The following IMPDH1 variants were observed in gnomAD, a reference collection of about 807,000 sequenced individuals.
The protein encoded by IMPDH1 is inosine-5'-monophosphate dehydrogenase 1.
IMPDH1 carries 41 observed loss-of-function variants against 73.5 expected under a neutral mutation model. That is an observed-to-expected ratio of 0.56 (90% CI 0.43 to 0.72). The LOEUF is 0.72. Ranked by LOEUF, IMPDH1 falls within the 30% of genes least tolerant of loss-of-function variation. The pLI, the probability that IMPDH1 is intolerant of heterozygous loss-of-function variation, is 0.00. For synonymous variants in IMPDH1, 318 were observed against 334.3 expected (o/e 0.95, Z 0.53); for missense variants, 645 against 824.8 (o/e 0.78, Z 2.67).
intron 10 of IMPDH1, among the ~76,000 whole-genome samples, chr7:128,397,525 A>C (rs1798010781): frequency 6.6e-6 from 1 of 152,168 alleles, no homozygotes; most frequent in African/African-American, 2.4e-5. Flanking sequence ...AGGCCCTCAG[A>C]GGCCTTTGTT....
At chr7:128,400,732 T>A in intron 7 of IMPDH1, 85 bp downstream of exon 7, 1 of 1,284,204 alleles carries the variant, frequency 7.8e-7, no homozygotes, top group Non-Finnish European at 1.1e-6. Context: ...AGTGTAGCAG[T>A]GCAGGGCTGG....
Position 128,405,798 on chromosome 7 carries a change from G to C in IMPDH1, c.322C>G (p.Leu108Val). 1 of 1,542,954 alleles carries C rather than the reference G, an allele frequency of 6.5e-7. No homozygotes were observed. Among genetic ancestry groups the C allele is most frequent in the Admixed American group, 2.0e-5 (1 of 50,888 alleles). ...VPEDGLTAQQLFASADGLTYN... is the reference protein window; with the variant it reads ...VPEDGLTAQQVFASADGLTYN... The stretch of plus-strand genomic sequence containing the variant: ...GTGAGGCCGTCGGCGCTGGCGAAGA[G>C]CTGCTGCGCGGTGAGCCCATCCTCG... The change falls in exon 4 of 17, where the codon CTC becomes GTC. Residue 108 changes from leucine to valine, a missense_variant. By Grantham distance (32) the Leu-to-Val change is conservative. This residue lies in a region of IMPDH1 where 186 missense variants were observed against 186.6 expected (regional missense o/e 1.00). Coordinates refer to ENST00000338791, the MANE Select transcript of IMPDH1 (RefSeq NM_000883.4).
In IMPDH1 at chr7:128,396,798, A is replaced by G. The variant is rs373036596; in HGVS notation, c.1166-103T>C. 2.5e-6 allele frequency: 3 copies of G among 1,183,978 alleles called. No homozygotes were observed. The highest frequency in any genetic ancestry group is 3.0e-5 in the African/African-American group (2 of 65,920). The allele number at this position is 1,183,978 out of a possible 1,614,324, so 73.3% of individuals were successfully genotyped here. ...GTCTAGCACCCCCCAACCCCCCTAC[A>G]GTGACCAAAGCCCATCATGCTCCCT... On this transcript the variant is annotated intron_variant, in intron 11 of 16. Coordinates refer to ENST00000338791, the MANE Select transcript of IMPDH1 (RefSeq NM_000883.4). This position sits in a 1 kb window ranked among gnomAD's most constrained non-coding sequence, Gnocchi z 4.0.
Position 128,400,752 on chromosome 7 carries a change from C to G in IMPDH1, c.579+65G>C, listed in dbSNP as rs377140577. ...AGCAGTGCAGGGCTGGCAGGGGAGGCTGGGAGGGCCTCTGAGGTGGGGACT... is the reference window on the plus strand; with the variant it reads ...AGCAGTGCAGGGCTGGCAGGGGAGGGTGGGAGGGCCTCTGAGGTGGGGACT... On this transcript the variant is annotated intron_variant, in intron 7 of 16. Coordinates refer to ENST00000338791, the MANE Select transcript of IMPDH1 (RefSeq NM_000883.4). 3.5e-6 allele frequency: 5 copies of G among 1,410,676 alleles called. No homozygotes were observed. In the East Asian group the frequency reaches 6.8e-5, roughly 19 times the overall value. The allele number at this position is 1,410,676 out of a possible 1,614,324, so 87.4% of individuals were successfully genotyped here. A position where few individuals can be genotyped will look rare whatever the true frequency, so the allele number is the denominator to read the frequency against.
At chr7:128,408,960 C>G (rs1798957363) in intron 3 of IMPDH1, among the ~76,000 whole-genome samples, 1 of 152,214 alleles carries the variant, frequency 6.6e-6, no homozygotes, top group African/African-American at 2.4e-5. Flanking sequence ...CTAATTCCCC[C>G]AGACCACCCC....
chr7:128,395,339 G>A (rs931259654), intron 12 of IMPDH1, 65 bp from the exon 13 acceptor site: 2 of 1,580,364 alleles, frequency 1.3e-6, no homozygotes. Flanking sequence ...CTGGAGCGGG[G>A]CCAGCCCAGC....
chr7:128,396,824 G>T lies in IMPDH1; in HGVS notation c.1165+108C>A. 8.8e-7 allele frequency: 1 copy of T among 1,131,698 alleles called. No homozygotes were observed. Among genetic ancestry groups the T allele is most frequent in the Admixed American group, 1.9e-5 (1 of 52,424 alleles). The allele number at this position is 1,131,698 out of a possible 1,614,324, so 70.1% of individuals were successfully genotyped here. On this transcript the variant is annotated intron_variant, in intron 11 of 16. Coordinates refer to ENST00000338791, the MANE Select transcript of IMPDH1 (RefSeq NM_000883.4). The surrounding 1 kb of genome is among the most constrained non-coding windows in gnomAD (Gnocchi z 4.0). ...GTGACCAAAGCCCATCATGCTCCCT[G>T]CCACCCATGCCAGGAGCCATACCAT...
rs940687632 is a variant in IMPDH1 at position 128,403,730 on chromosome 7, G to T, written c.378C>A (p.Phe126Leu). Reference sequence around the variant, plus strand: ...CCACCTCATCAGCTATGAAGTCTATGAATCCTGGGAGAATCAGGAAGTCGC... The same window carrying T: ...CCACCTCATCAGCTATGAAGTCTATTAATCCTGGGAGAATCAGGAAGTCGC... ...TYNDFLILPG[F>L]IDFIADEVDL... Residue 126 changes from phenylalanine to leucine, a missense_variant, in exon 5 of 17, where the codon TTC (phenylalanine) becomes TTA (leucine). This residue lies in a region of IMPDH1 where 186 missense variants were observed against 186.6 expected (regional missense o/e 1.00). Transcript: ENST00000338791. The T allele has an allele frequency of 1.2e-6, 2 of 1,614,068 alleles. No individual in the cohort carries two copies.
intron 3 of IMPDH1, among the ~76,000 whole-genome samples, chr7:128,406,315 C>T (rs1798772471): frequency 1.6e-5 from 2 of 127,936 alleles, no homozygotes; most frequent in Non-Finnish European, 3.4e-5. Flanking sequence ...CCCCCACCCC[C>T]CCCACCCCCG....
At position 128,403,710 on chromosome 7, in the gene IMPDH1, T is replaced by A; in HGVS notation, c.398A>T (p.Glu133Val). The change falls in exon 5 of 17, where the codon GAG (glutamate) becomes GTG (valine). Residue 133 changes from glutamate (E) to valine (V), a missense_variant. This residue lies in a region of IMPDH1 where 186 missense variants were observed against 186.6 expected (regional missense o/e 1.00). Coordinates refer to ENST00000338791, the MANE Select transcript of IMPDH1 (RefSeq NM_000883.4). ...LPGFIDFIAD[E>V]VDLTSALTRK... is the part of the protein sequence containing the mutation. Reference sequence around the variant, plus strand: ...GTCAAAGGAAGAGGTACTCACCACCTCATCAGCTATGAAGTCTATGAATCC... The same window carrying A: ...GTCAAAGGAAGAGGTACTCACCACCACATCAGCTATGAAGTCTATGAATCC... 6.2e-7 allele frequency: 1 copy of A among 1,613,710 alleles called. No individual in the cohort carries two copies. Among genetic ancestry groups the A allele is most frequent in the African/African-American group, 1.3e-5 (1 of 75,020 alleles).
rs1270071033 is a variant in IMPDH1 at position 128,409,875 on chromosome 7, C to T, written c.27G>A (p.Pro9=). 2.0e-6 allele frequency: 3 copies of T among 1,484,220 alleles called. No homozygotes were observed. The highest frequency in any genetic ancestry group is 2.9e-5 in the African/African-American group (2 of 68,366). 91.9% of individuals were successfully genotyped at this position (1,484,220 alleles called of 1,614,324 possible). MEGPLTPP[P]LQGGGAAAVP... ...CAGCGGCGGCTCCGCCTCCCTGCAG[C>T]GGTGGTGGAGTGAGTGGCCCCTCCA... The change falls in exon 1 of 17, where the codon CCG becomes CCA. Residue 9 remains proline, a synonymous_variant. Coordinates refer to ENST00000338791, the MANE Select transcript of IMPDH1 (RefSeq NM_000883.4).
Position 128,406,688 on chromosome 7 carries a change from C to T in IMPDH1, c.255-823G>A, listed in dbSNP as rs72624941. On this transcript the variant is annotated intron_variant, in intron 3 of 16. Transcript: ENST00000338791. Reference sequence around the variant, plus strand: ...CTTGACAGAGGCAAAATCTATAGTTCGGAAAGGAAGGGAGGGGTACTGCTT... The same window carrying T: ...CTTGACAGAGGCAAAATCTATAGTTTGGAAAGGAAGGGAGGGGTACTGCTT... 7.2e-5 allele frequency among the ~76,000 whole-genome samples: 11 copies of T among 152,218 alleles called. No individual in the cohort carries two copies. In the East Asian group the frequency reaches 2.1e-3, roughly 29 times the overall value.
chr7:128,403,441 C>G (rs779500038), intron 5 of IMPDH1, among the ~76,000 whole-genome samples: 33 of 151,970 alleles, frequency 2.2e-4, no homozygotes, highest in Non-Finnish European at 3.8e-4. Context: ...GCCTGTAATC[C>G]CAGTTACTCA....
rs1797923738 is a variant in IMPDH1, at chr7:128,396,523, G to C, written c.1261+77C>G. The C allele has an allele frequency of 1.8e-6, 2 of 1,115,424 alleles. No homozygotes were observed. Among genetic ancestry groups the C allele is most frequent in the Admixed American group, 2.0e-5 (1 of 50,452 alleles). 69.1% of individuals were successfully genotyped at this position (1,115,424 alleles called of 1,614,324 possible). On this transcript the variant is annotated intron_variant, in intron 12 of 16. Coordinates refer to ENST00000338791, the MANE Select transcript of IMPDH1 (RefSeq NM_000883.4). This position sits in a 1 kb window ranked among gnomAD's most constrained non-coding sequence, Gnocchi z 4.0. ...ATGGCAGAACAGGGCCTGGCAGAGAGAGTACTTGATATACATCTGGGGAAC... is the reference window on the plus strand; with the variant it reads ...ATGGCAGAACAGGGCCTGGCAGAGACAGTACTTGATATACATCTGGGGAAC...
intron 9 of IMPDH1, among the ~76,000 whole-genome samples, chr7:128,399,836 T>C (rs1798190619): frequency 6.6e-6 from 1 of 152,236 alleles, no homozygotes; most frequent in African/African-American, 2.4e-5. Context: ...AAAGGAGTTA[T>C]TGCTCAGGAT....
At position 128,398,212 on chromosome 7, in the gene IMPDH1, C is replaced by T. The variant is rs1421484999; in HGVS notation, c.1074+202G>A. On this transcript the variant is annotated intron_variant, in intron 10 of 16. Coordinates refer to ENST00000338791, the MANE Select transcript of IMPDH1 (RefSeq NM_000883.4). This position sits in a 1 kb window ranked among gnomAD's most constrained non-coding sequence, Gnocchi z 4.3. ...CTGGAGTGCAGTGGCACGATCCTAG[C>T]TCACTGTGACCTTGAACCTCTGAGC... Among the ~76,000 whole-genome samples, 1 of 152,220 alleles carries T rather than the reference C, an allele frequency of 6.6e-6. No individual in the cohort carries two copies. Among genetic ancestry groups the T allele is most frequent in the Non-Finnish European group, 1.5e-5 (1 of 68,040 alleles).
intron 5 of IMPDH1, among the ~76,000 whole-genome samples, 176 bp downstream of exon 5, chr7:128,403,530 C>G: frequency 6.6e-6 from 1 of 150,564 alleles, no homozygotes; most frequent in Non-Finnish European, 1.5e-5. Flanking sequence ...TGCACTCCAG[C>G]CTGTGTGACA....
At chr7:128,409,625 T>C in intron 1 of IMPDH1, 131 bp downstream of exon 1, 3 of 1,517,188 alleles carry the variant, frequency 2.0e-6, no homozygotes, top group Non-Finnish European at 2.7e-6. Flanking sequence ...AGTTAGAGGC[T>C]GAGGCGGTAA....
At chr7:128,397,940 T>C (rs1798044441) in intron 10 of IMPDH1, among the ~76,000 whole-genome samples, 1 of 151,612 alleles carries the variant, frequency 6.6e-6, no homozygotes, top group Admixed American at 6.6e-5. Flanking sequence ...TTTATGAACA[T>C]GTGTACTCTC....
Sources: gnomAD v4.1 joint callset for allele counts (sites outside exome capture counted in the v4.1 genomes callset) on GRCh38, gnomAD v4.1.1 for gene constraint, gnomAD v4.1.1 regional missense constraint, Gnocchi (gnomAD v3.1) non-coding constraint, MANE v1.5 for transcripts, NCBI Gene and HGNC (gene_info 2026-07-23, HGNC 2026-07-21) for gene names.